PDGFD: variants seen among roughly 807,000 people sequenced by gnomAD.
PDGFD encodes platelet-derived growth factor D.
In PDGFD, 30 loss-of-function variants were observed where a neutral mutation model predicts 44.7. The ratio of observed to expected loss-of-function variants is 0.67; its 90% CI spans 0.50 to 0.91. PDGFD has a LOEUF of 0.91. Ranked by LOEUF, PDGFD falls within the 40% of genes least tolerant of loss-of-function variation. The pLI, the probability that PDGFD is intolerant of heterozygous loss-of-function variation, is 0.00. For missense variants in PDGFD, 445 were observed against 457.8 expected, an observed-to-expected ratio of 0.97 and a Z score of 0.25; for synonymous variants, 173 against 168.4, an observed-to-expected ratio of 1.03 and a Z score of -0.21.
At chr11:103,945,350 T>A (rs1383633761) in intron 4 of PDGFD, among the ~76,000 whole-genome samples, 1 of 152,214 alleles carries the variant, frequency 6.6e-6, no homozygotes, top group Non-Finnish European at 1.5e-5. Flanking sequence ...ACATCATTTC[T>A]GTCTTTCACA....
intron 1 of PDGFD, among the ~76,000 whole-genome samples, chr11:104,027,277 G>A (rs997089150): frequency 1.3e-5 from 2 of 152,214 alleles, no homozygotes; most frequent in African/African-American, 4.8e-5. Context: ...AGCTGTGACA[G>A]TTCTGACAGC....
At chr11:104,142,656 T>C (rs17102089) in intron 1 of PDGFD, among the ~76,000 whole-genome samples, 1 of 152,198 alleles carries the variant, frequency 6.6e-6, no homozygotes, top group African/African-American at 2.4e-5. Flanking sequence ...GAATTGGAGA[T>C]GTGATTGACT....
At chr11:104,127,437 G>T (rs1390857302) in intron 1 of PDGFD, among the ~76,000 whole-genome samples, 1 of 152,142 alleles carries the variant, frequency 6.6e-6, no homozygotes, top group Non-Finnish European at 1.5e-5. Context: ...AAGTGATGAA[G>T]CCAGATTCAC....
intron 3 of PDGFD, among the ~76,000 whole-genome samples, chr11:103,984,368 A>T (rs544292326): frequency 6.6e-6 from 1 of 151,470 alleles, no homozygotes; most frequent in African/African-American, 2.4e-5. Context: ...ATGAGAATAC[A>T]TGGACACATA....
intron 1 of PDGFD, among the ~76,000 whole-genome samples, chr11:104,020,664 T>C (rs1373234720): frequency 6.6e-6 from 1 of 152,152 alleles, no homozygotes; most frequent in Admixed American, 6.6e-5. Context: ...ACAGACATTT[T>C]ATACTTCATT....
chr11:103,910,866 G>C (rs2134297613), intron 6 of PDGFD, among the ~76,000 whole-genome samples: 1 of 152,338 alleles, frequency 6.6e-6, no homozygotes, highest in Non-Finnish European at 1.5e-5. Context: ...GTCTGAGATT[G>C]ACCTGGGATG....
At chr11:103,931,577 TTTTTCTTTTC>T (rs751928770) in intron 5 of PDGFD, among the ~76,000 whole-genome samples, 1 of 152,082 alleles carries the variant, frequency 6.6e-6, no homozygotes, top group Non-Finnish European at 1.5e-5. Context: ...GTCAGTAATC[TTTTTCTTTTC>T]TTTTCTTTTC....
At chr11:104,079,296 A>G (rs1861010575) in intron 1 of PDGFD, among the ~76,000 whole-genome samples, 1 of 151,928 alleles carries the variant, frequency 6.6e-6, no homozygotes, top group Non-Finnish European at 1.5e-5. Flanking sequence ...CCTCCTCTCC[A>G]CCTCCCTTTT....
At chr11:103,921,596 C>T (rs1355875728) in intron 6 of PDGFD, among the ~76,000 whole-genome samples, 2 of 147,848 alleles carry the variant, frequency 1.4e-5, no homozygotes, top group African/African-American at 2.6e-5. Flanking sequence ...CATAAACCCA[C>T]TGAAAAGTAA....
At chr11:104,114,853 G>A (rs1249041708) in intron 1 of PDGFD, among the ~76,000 whole-genome samples, 1 of 150,826 alleles carries the variant, frequency 6.6e-6, no homozygotes, top group Non-Finnish European at 1.5e-5. Flanking sequence ...TTTGGGAAGT[G>A]CTAATTTAAA....
chr11:103,950,394 CAAAAAAA>C (rs375762671), intron 3 of PDGFD, among the ~76,000 whole-genome samples: 13 of 107,784 alleles, frequency 1.2e-4, no homozygotes, highest in East Asian at 2.5e-4. Flanking sequence ...ACTAATAATA[CAAAAAAA>C]AAAAAAAAAA....
At chr11:103,941,625 TA>T (rs78870908) in intron 5 of PDGFD, among the ~76,000 whole-genome samples, 11 of 149,174 alleles carry the variant, frequency 7.4e-5, no homozygotes, top group East Asian at 2.0e-4. Flanking sequence ...GGGTGCCTGC[TA>T]AAAAAAAAAT....
Position 104,000,269 on chromosome 11 carries a change from C to A in PDGFD, c.125-14G>T. ...GGTGATTGCTCTCTGTTAGTAGTCA[C>A]AACTTGTAGAAATTAGTATGTTGCT... On this transcript the variant is annotated splice_polypyrimidine_tract_variant and intron_variant, in intron 1 of 6. Coordinates refer to ENST00000393158, the MANE Select transcript of PDGFD (RefSeq NM_025208.5). 2.5e-6 allele frequency: 4 copies of A among 1,605,712 alleles called. No individual in the cohort carries two copies. Among genetic ancestry groups the A allele is most frequent in the Non-Finnish European group, 3.4e-6 (4 of 1,172,958 alleles).
intron 1 of PDGFD, among the ~76,000 whole-genome samples, chr11:104,130,336 C>A (rs890577137): frequency 6.6e-6 from 1 of 152,078 alleles, no homozygotes; most frequent in African/African-American, 2.4e-5. Flanking sequence ...AGAGCAGGGA[C>A]ATTGTAATGA....
At chr11:103,972,896 T>C (rs1339489518) in intron 3 of PDGFD, among the ~76,000 whole-genome samples, 1 of 152,162 alleles carries the variant, frequency 6.6e-6, no homozygotes, top group Non-Finnish European at 1.5e-5. Context: ...AACTGGCCAA[T>C]AGCATAAGAA....
chr11:104,027,917 G>A (rs1439133609), intron 1 of PDGFD, among the ~76,000 whole-genome samples: 2 of 152,144 alleles, frequency 1.3e-5, no homozygotes, highest in East Asian at 1.9e-4. Flanking sequence ...TAGGCCGGGC[G>A]CGGTGGCTCA....
chr11:104,091,180 T>C (rs1189920530), intron 1 of PDGFD, among the ~76,000 whole-genome samples: 1 of 152,222 alleles, frequency 6.6e-6, no homozygotes, highest in East Asian at 1.9e-4. Context: ...CGTATAGGCA[T>C]ACTATAGAAA....
intron 1 of PDGFD, among the ~76,000 whole-genome samples, chr11:104,024,600 T>C (rs189068363): frequency 1.4e-4 from 21 of 152,320 alleles, no homozygotes; most frequent in Admixed American, 1.0e-3. Flanking sequence ...CAGTAACACG[T>C]TGTACAGGTT....
chr11:104,037,783 C>T, intron 1 of PDGFD: 1 of 1,614,164 alleles, frequency 6.2e-7, no homozygotes, highest in Non-Finnish European at 8.5e-7. Flanking sequence ...TTTCTCCATA[C>T]TTGAGGATCA....
Sources: allele counts gnomAD v4.1 joint callset (sites outside exome capture counted in the v4.1 genomes callset), GRCh38; gene constraint gnomAD v4.1.1; transcripts MANE v1.5; gene names NCBI Gene and HGNC (gene_info 2026-07-23, HGNC 2026-07-21).